TAGLN3: variants seen among roughly 807,000 people sequenced by gnomAD.
TAGLN3 encodes transgelin-3.
TAGLN3 carries 12 observed loss-of-function variants against 25.4 expected under a neutral mutation model. The ratio of observed to expected loss-of-function variants is 0.47; its 90% CI spans 0.30 to 0.77. The LOEUF (loss-of-function observed/expected upper bound fraction) is 0.77. TAGLN3 is among the 30% of genes least tolerant of loss of function. The probability of loss-of-function intolerance (pLI) is 0.06; values close to 1 mark genes in which losing one functional copy is unlikely to be tolerated. For missense variants in TAGLN3, 218 were observed against 255.8 expected, an observed-to-expected ratio of 0.85 and a Z score of 1.01; for synonymous variants, 96 against 94.8, an observed-to-expected ratio of 1.01 and a Z score of -0.08.
chr3:112,000,968 G>C (rs1239002530), intron 3 of TAGLN3, 22 bp downstream of exon 3: 2 of 1,609,566 alleles, frequency 1.2e-6, no homozygotes, highest in Non-Finnish European at 1.7e-6. Flanking sequence ...CCTGGCCTTT[G>C]GGATTGTTCT....
chr3:112,007,773 C>A (rs1307731304), intron 3 of TAGLN3, among the ~76,000 whole-genome samples: 1 of 152,152 alleles, frequency 6.6e-6, no homozygotes, highest in Non-Finnish European at 1.5e-5. Context: ...TTCTAATTAT[C>A]GCTTTTACTT....
intron 2 of TAGLN3, among the ~76,000 whole-genome samples, chr3:112,000,087 G>A (rs964040029): frequency 4.6e-5 from 7 of 152,162 alleles, no homozygotes; most frequent in Non-Finnish European, 1.0e-4. Flanking sequence ...GAAACTGAAA[G>A]GAGTCCTTAT....
At chr3:112,005,768 C>T (rs891368824) in intron 3 of TAGLN3, among the ~76,000 whole-genome samples, 3 of 145,652 alleles carry the variant, frequency 2.1e-5, no homozygotes, top group South Asian at 2.2e-4. Context: ...GGCCTGATCT[C>T]GGCTCACTGC....
Position 112,011,791 on chromosome 3 carries a change from C to G in TAGLN3, c.384C>G (p.Thr128=), listed in dbSNP as rs778183155. The G allele has an allele frequency of 1.2e-6, 2 of 1,613,526 alleles. No homozygotes were observed. Among genetic ancestry groups the G allele is most frequent in the Admixed American group, 3.3e-5 (2 of 59,984 alleles). Residue 128 remains threonine (T), a synonymous_variant, in exon 4 of 5, where the codon ACC becomes ACG. Coordinates refer to ENST00000478951, the MANE Select transcript of TAGLN3 (RefSeq NM_001008272.2). ...EGKDMAAVQR[T]LMALGSVAVT... ...AGGACATGGCAGCTGTGCAGAGGAC[C>G]CTGATGGCTTTAGGCAGCGTTGCAG...
chr3:112,011,639 C>T (rs969629273), intron 3 of TAGLN3, 124 bp from the exon 4 acceptor site: 14 of 825,354 alleles, frequency 1.7e-5, no homozygotes, highest in Non-Finnish European at 2.6e-5. Flanking sequence ...GATAGCACTG[C>T]TCCCTTGAAT....
chr3:112,004,192 G>T (rs1005125717), intron 3 of TAGLN3, among the ~76,000 whole-genome samples: 5 of 138,684 alleles, frequency 3.6e-5, no homozygotes, highest in Non-Finnish European at 8.0e-5. Context: ...GGCCTGGGAA[G>T]TCTTCTCTTG....
intron 3 of TAGLN3, among the ~76,000 whole-genome samples, chr3:112,008,296 G>A (rs935661479): frequency 7.9e-5 from 12 of 152,090 alleles, no homozygotes; most frequent in Non-Finnish European, 1.5e-4. Flanking sequence ...TTCTTTTCTT[G>A]TTTATAAATT....
At chr3:112,008,725 A>G (rs1053622682) in intron 3 of TAGLN3, among the ~76,000 whole-genome samples, 2 of 152,220 alleles carry the variant, frequency 1.3e-5, no homozygotes, top group Non-Finnish European at 2.9e-5. Flanking sequence ...AGGAAACATA[A>G]CAAGAATAAC....
intron 2 of TAGLN3, among the ~76,000 whole-genome samples, chr3:112,000,014 C>T (rs1014466206): frequency 3.3e-5 from 5 of 152,166 alleles, no homozygotes; most frequent in African/African-American, 1.2e-4. Context: ...CCTTCACATT[C>T]TTGTGGGAGC....
At chr3:112,012,028 G>T (rs544211314) in intron 4 of TAGLN3, among the ~76,000 whole-genome samples, 163 bp downstream of exon 4, 1 of 152,290 alleles carries the variant, frequency 6.6e-6, no homozygotes, top group African/African-American at 2.4e-5. Context: ...TGATGCTTCT[G>T]TACAGGCCAG....
At chr3:112,013,354 A>G in intron 4 of TAGLN3, 56 bp from the exon 5 acceptor site, 1 of 1,567,828 alleles carries the variant, frequency 6.4e-7, no homozygotes, top group Non-Finnish European at 8.7e-7. Flanking sequence ...GCATATCTTG[A>G]AAAGGATTGG....
intron 2 of TAGLN3, chr3:112,000,379 T>C (rs1409267569): frequency 1.2e-5 from 2 of 162,908 alleles, no homozygotes; most frequent in Non-Finnish European, 2.7e-5. Context: ...TATTAGACTC[T>C]ATCATTTGAG....
In TAGLN3 at chr3:111,999,214, G is replaced by A; in HGVS notation, c.-3+100G>A. 5.5e-6 allele frequency: 3 copies of A among 540,960 alleles called. No individual in the cohort carries two copies. In the South Asian group the frequency reaches 7.6e-5, roughly 14 times the overall value. The allele number at this position is 540,960 out of a possible 1,614,324, so 33.5% of individuals were successfully genotyped here. ...CCGGAGGTTTATTCTAGAGTTACTG[G>A]CGGGTAGCTGTGCTTTTCTTTCCCG... On this transcript the variant is annotated intron_variant, in intron 1 of 4. Transcript: ENST00000478951.
intron 3 of TAGLN3, among the ~76,000 whole-genome samples, chr3:112,007,956 G>C (rs747170083): frequency 5.3e-5 from 8 of 152,150 alleles, no homozygotes; most frequent in Non-Finnish European, 1.0e-4. Flanking sequence ...GACTGCCCCA[G>C]AATCTGAATA....
rs112929808 is a variant in TAGLN3, at chr3:112,013,799, A to ATTAT, written c.*271_*274dup. ...CCTCGGGCCCCAGAGTCTCTGTTTGATTATTTATTTATTTATTTATTTATT... is the reference window on the plus strand; with the variant it reads ...CCTCGGGCCCCAGAGTCTCTGTTTGATTATTTATTTATTTATTTATTTATTTATT... On this transcript the variant is annotated 3_prime_UTR_variant, in exon 5 of 5. Transcript: ENST00000478951. The ATTAT allele has an allele frequency of 0.014, 6,982 of 510,970 alleles. 70 individuals are homozygous for ATTAT. The highest frequency in any genetic ancestry group is 0.033 in the African/African-American group (1,663 of 50,770). The allele number at this position is 510,970 out of a possible 1,614,324, so 31.7% of individuals were successfully genotyped here.
In TAGLN3 at chr3:112,010,082, T is replaced by G. The variant is rs111963086; in HGVS notation, c.356-1681T>G. On this transcript the variant is annotated intron_variant, in intron 3 of 4. Transcript: ENST00000478951. ...CCCAGAAAGGACAAAGGGAACTAAG[T>G]AGGGAACTAAGTGTTGGGAATTTTC... 4.6e-4 allele frequency among the ~76,000 whole-genome samples: 70 copies of G among 152,098 alleles called. 1 individual carries two copies. The highest frequency in any genetic ancestry group is 1.5e-3 in the African/African-American group (64 of 41,492).
At chr3:112,002,027 T>A (rs2072866113) in intron 3 of TAGLN3, among the ~76,000 whole-genome samples, 1 of 152,242 alleles carries the variant, frequency 6.6e-6, no homozygotes, top group African/African-American at 2.4e-5. Flanking sequence ...GTTAAAATCC[T>A]ACGATGCTAA....
rs1167526426 is a variant in TAGLN3 at position 111,999,541 on chromosome 3, A to C, written c.119A>C (p.Glu40Ala). 7 of 1,614,186 alleles carry C rather than the reference A, an allele frequency of 4.3e-6. No individual in the cohort carries two copies. The highest frequency in any genetic ancestry group is 5.9e-6 in the Non-Finnish European group (7 of 1,180,026). Residue 40 changes from glutamate to alanine, a missense_variant, in exon 2 of 5, where the codon GAG (glutamate) becomes GCG (alanine). Coordinates refer to ENST00000478951, the MANE Select transcript of TAGLN3 (RefSeq NM_001008272.2). The stretch of plus-strand genomic sequence containing the variant: ...GACTGGATCATCCTGCAGTGCGCCG[A>C]GGACATAGAGCACCCGCCCCCCGGC... ...LVDWIILQCA[E>A]DIEHPPPGRA...
In TAGLN3 at chr3:111,999,719, G is replaced by A. The variant is rs13340145; in HGVS notation, c.180+117G>A. The A allele has an allele frequency of 1.7e-5, 22 of 1,316,768 alleles. No homozygotes were observed. In the Admixed American group the frequency reaches 2.1e-4, roughly 13 times the overall value. The allele number at this position is 1,316,768 out of a possible 1,614,324, so 81.6% of individuals were successfully genotyped here. ...CTGTTGCCAAGCTCTATGTCTCACC[G>A]GGAGGGGATGAGAATGCCTTTATTT... On this transcript the variant is annotated intron_variant, in intron 2 of 4. Transcript: ENST00000478951.
Sources: allele counts gnomAD v4.1 joint callset (sites outside exome capture counted in the v4.1 genomes callset), GRCh38; gene constraint gnomAD v4.1.1; transcripts MANE v1.5; gene names NCBI Gene and HGNC (gene_info 2026-07-23, HGNC 2026-07-21).